ZFAT: variants seen among roughly 807,000 people sequenced by gnomAD.
The protein encoded by ZFAT is zinc finger and AT-hook domain containing, also known as zinc finger protein ZFAT.
Under a neutral mutation model 117.7 loss-of-function variants are expected in ZFAT, and 64 were observed. The observed-to-expected ratio is 0.54, with a 90% CI of 0.44 to 0.67. ZFAT has a LOEUF of 0.67. ZFAT is among the 30% of genes least tolerant of loss of function. The probability of loss-of-function intolerance (pLI) is 0.00; values close to 1 mark genes in which losing one functional copy is unlikely to be tolerated. For missense variants in ZFAT, 1,433 were observed against 1,584.5 expected, an observed-to-expected ratio of 0.90 and a Z score of 1.62; for synonymous variants, 679 against 615.0, an observed-to-expected ratio of 1.10 and a Z score of -1.54.
the ZFAT span, among the ~76,000 whole-genome samples, chr8:134,743,454 A>T: frequency 6.6e-6 from 1 of 152,078 alleles, no homozygotes; most frequent in African/African-American, 2.4e-5. Context: ...ACACCATTGC[A>T]CTCCAGCCTG....
chr8:134,510,069 G>A, intron 14 of ZFAT: 1 of 469,534 alleles, frequency 2.1e-6, no homozygotes, highest in South Asian at 1.5e-5. Flanking sequence ...CACGTGCTCT[G>A]AGTCCTAACA....
At chr8:134,676,396 C>A (rs1180186730) in intron 1 of ZFAT, among the ~76,000 whole-genome samples, 2 of 151,978 alleles carry the variant, frequency 1.3e-5, no homozygotes, top group Non-Finnish European at 2.9e-5. Flanking sequence ...GAAGAGCTAA[C>A]TATCCTAAAT....
At chr8:134,522,429 C>A (rs1270553032) in intron 12 of ZFAT, among the ~76,000 whole-genome samples, 1 of 152,246 alleles carries the variant, frequency 6.6e-6, no homozygotes, top group African/African-American at 2.4e-5. Context: ...ATCCAAGCAT[C>A]CCACTCTGAC....
intron 7 of ZFAT, chr8:134,598,264 T>C (rs1399149457): frequency 2.0e-5 from 3 of 152,228 alleles, no homozygotes; most frequent in African/African-American, 7.2e-5. Context: ...CTCCAACTCC[T>C]AGAAGTAATA....
the ZFAT span, among the ~76,000 whole-genome samples, chr8:134,827,563 T>G: frequency 5.9e-5 from 9 of 151,578 alleles, no homozygotes; most frequent in Non-Finnish European, 1.2e-4. Context: ...AGGTCAGGAG[T>G]TTGAGACCAG....
intron 4 of ZFAT, 68 bp downstream of exon 4, chr8:134,610,402 C>T (rs1282906009): frequency 1.4e-5 from 21 of 1,505,824 alleles, no homozygotes; most frequent in African/African-American, 5.6e-5. Flanking sequence ...CAGACTGTGA[C>T]ATCAGGCTGC....
chr8:134,695,575 G>C (rs34453720), intron 1 of ZFAT, among the ~76,000 whole-genome samples: 57,615 of 148,704 alleles, frequency 0.39, 11,232 homozygotes, highest in South Asian at 0.43. Flanking sequence ...CCAGGCCCAG[G>C]CGGCATCTCT....
intron 13 of ZFAT, among the ~76,000 whole-genome samples, chr8:134,512,999 GT>G (rs1819969266): frequency 6.6e-6 from 1 of 152,140 alleles, no homozygotes; most frequent in African/African-American, 2.4e-5. Flanking sequence ...TGGGTGCCAT[GT>G]GGCCAACAGA....
intron 15 of ZFAT, among the ~76,000 whole-genome samples, chr8:134,501,167 T>C (rs1294426892): frequency 6.6e-6 from 1 of 152,234 alleles, no homozygotes; most frequent in East Asian, 1.9e-4. Context: ...AGGTATCTAT[T>C]AGAAATCCTG....
intron 12 of ZFAT, among the ~76,000 whole-genome samples, chr8:134,529,559 C>T (rs1011481230): frequency 2.6e-5 from 4 of 152,102 alleles, no homozygotes; most frequent in African/African-American, 9.7e-5. Flanking sequence ...ACATAGTGCT[C>T]AGTACTACCT....
chr8:134,718,259 G>A, the ZFAT span, among the ~76,000 whole-genome samples: 1 of 152,120 alleles, frequency 6.6e-6, no homozygotes, highest in Admixed American at 6.5e-5. Flanking sequence ...AGCACTTTGG[G>A]AGGCCGAGGC....
chr8:134,490,726 T>TAACAGGAGA (rs1817991311), intron 15 of ZFAT, among the ~76,000 whole-genome samples: 1 of 152,160 alleles, frequency 6.6e-6, no homozygotes. Context: ...ACACTGAAAT[T>TAACAGGAGA]AACAGGAGAG....
chr8:134,521,317 T>G (rs1041879950), intron 12 of ZFAT, among the ~76,000 whole-genome samples: 10 of 152,240 alleles, frequency 6.6e-5, no homozygotes, highest in African/African-American at 2.4e-4. Flanking sequence ...AGTGGGTAAG[T>G]GGCTTAAATC....
chr8:134,565,248 T>C, intron 11 of ZFAT, 85 bp downstream of exon 11: 1 of 1,596,440 alleles, frequency 6.3e-7, no homozygotes, highest in Non-Finnish European at 8.5e-7. Context: ...CAACAAACAA[T>C]GAAAGAATGC....
intron 1 of ZFAT, 35 bp downstream of exon 1, chr8:134,712,810 C>G (rs768082191): frequency 2.9e-4 from 295 of 1,024,534 alleles, no homozygotes; most frequent in East Asian, 7.3e-4. Context: ...GCCCCACCCC[C>G]ACCCCGTCTC....
At chr8:134,652,066 C>T (rs946933078) in intron 2 of ZFAT, among the ~76,000 whole-genome samples, 5 of 152,130 alleles carry the variant, frequency 3.3e-5, no homozygotes, top group African/African-American at 1.2e-4. Context: ...GCCTCTAATC[C>T]CAGCACTTCG....
the ZFAT span, among the ~76,000 whole-genome samples, chr8:134,813,863 TA>T: frequency 6.6e-6 from 1 of 150,510 alleles, no homozygotes; most frequent in Non-Finnish European, 1.5e-5. Context: ...CTTTATAGAT[TA>T]AAAAATATAT....
intron 7 of ZFAT, among the ~76,000 whole-genome samples, chr8:134,592,920 G>A (rs967159713): frequency 6.6e-6 from 1 of 152,186 alleles, no homozygotes; most frequent in Non-Finnish European, 1.5e-5. Flanking sequence ...ACCAAGCAAC[G>A]ACAGCCAACC....
intron 11 of ZFAT, among the ~76,000 whole-genome samples, chr8:134,536,154 T>A (rs1382094382): frequency 6.6e-6 from 1 of 152,152 alleles, no homozygotes; most frequent in African/African-American, 2.4e-5. Flanking sequence ...TGGCAAAAAA[T>A]GTGTGTGTGA....
Sources: gnomAD v4.1 joint callset for allele counts (sites outside exome capture counted in the v4.1 genomes callset) on GRCh38, gnomAD v4.1.1 for gene constraint, MANE v1.5 for transcripts, NCBI Gene and HGNC (gene_info 2026-07-23, HGNC 2026-07-21) for gene names.